GAREM1: variants seen among roughly 807,000 people sequenced by gnomAD.
The protein encoded by GAREM1 is GRB2 associated regulator of MAPK1 subtype 1, also known as GRB2-associated and regulator of MAPK protein 1.
GAREM1 carries 26 observed loss-of-function variants against 71.3 expected under a neutral mutation model. The observed-to-expected ratio is 0.36, with a 90% CI of 0.27 to 0.51. GAREM1 has a LOEUF of 0.51. GAREM1 is among the 20% of genes least tolerant of loss of function. The pLI is 0.95. For missense variants in GAREM1, 1,026 were observed against 1,103.1 expected (o/e 0.93, Z 0.99); for synonymous variants, 440 against 433.2 (o/e 1.02, Z -0.20).
At chr18:32,402,994 T>G (rs541163599) in intron 1 of GAREM1, among the ~76,000 whole-genome samples, 8 of 152,270 alleles carry the variant, frequency 5.3e-5, no homozygotes, top group African/African-American at 1.9e-4. Flanking sequence ...CTCAGCTCAC[T>G]GCAACCTCTG....
chr18:32,393,141 C>A, intron 1 of GAREM1, 106 bp from the exon 2 acceptor site: 2 of 1,025,118 alleles, frequency 2.0e-6, no homozygotes, highest in Non-Finnish European at 2.8e-6. Flanking sequence ...CAGAAGTTGA[C>A]AGTTCATCCC....
chr18:32,326,661 C>A (rs1408225579), intron 2 of GAREM1, among the ~76,000 whole-genome samples: 6 of 152,186 alleles, frequency 3.9e-5, no homozygotes, highest in African/African-American at 1.4e-4. Context: ...CACCCCCTCA[C>A]AAGAGACCGA....
At chr18:32,388,119 C>T (rs1348942690) in intron 2 of GAREM1, among the ~76,000 whole-genome samples, 1 of 152,138 alleles carries the variant, frequency 6.6e-6, no homozygotes, top group East Asian at 1.9e-4. Flanking sequence ...GTCACAGAGA[C>T]ACAGGTGCCA....
intron 2 of GAREM1, among the ~76,000 whole-genome samples, chr18:32,315,441 AAT>A (rs1299573526): frequency 7.0e-6 from 1 of 143,358 alleles, no homozygotes; most frequent in African/African-American, 2.6e-5. Context: ...TATATAAAAA[AAT>A]ATATATAAAA....
intron 2 of GAREM1, among the ~76,000 whole-genome samples, chr18:32,361,028 A>G (rs189719231): frequency 1.3e-3 from 199 of 152,360 alleles, no homozygotes; most frequent in Middle Eastern, 3.4e-3. Context: ...ATTCTCAAAA[A>G]TGATAGACTT....
At chr18:32,407,123 C>A (rs1420462225) in intron 1 of GAREM1, among the ~76,000 whole-genome samples, 3 of 152,224 alleles carry the variant, frequency 2.0e-5, no homozygotes, top group Non-Finnish European at 4.4e-5. Context: ...TCATTCACTT[C>A]AACAATCCGC....
intron 3 of GAREM1, among the ~76,000 whole-genome samples, chr18:32,294,068 G>A (rs1302835237): frequency 6.6e-6 from 1 of 152,166 alleles, no homozygotes; most frequent in East Asian, 1.9e-4. Context: ...GAAGTGAAAA[G>A]TAAATGCAAT....
chr18:32,451,801 C>A lies in GAREM1; in HGVS notation c.121+18507G>T, dbSNP rs536929361. ...TCAGCACTTCCCACTGTTTGTATAA[C>A]AAACATTGGAGGAGCATGTTTGCAA... On this transcript the variant is annotated intron_variant, in intron 1 of 5. Coordinates refer to ENST00000269209, the MANE Select transcript of GAREM1 (RefSeq NM_001242409.2). Among the ~76,000 whole-genome samples the A allele has an allele frequency of 2.0e-5, 3 of 152,162 alleles. No homozygotes were observed. In the South Asian group the frequency reaches 6.2e-4, roughly 32 times the overall value.
intron 2 of GAREM1, among the ~76,000 whole-genome samples, chr18:32,311,053 G>A (rs754379247): frequency 1.1e-4 from 16 of 152,128 alleles, no homozygotes; most frequent in Non-Finnish European, 2.1e-4. Context: ...CCATATCATG[G>A]TCTCCACAAT....
chr18:32,366,347 T>C (rs1481624550), intron 2 of GAREM1, among the ~76,000 whole-genome samples: 1 of 152,132 alleles, frequency 6.6e-6, no homozygotes, highest in Non-Finnish European at 1.5e-5. Context: ...AGGCTTATGA[T>C]TTCCTTGTGA....
intron 1 of GAREM1, among the ~76,000 whole-genome samples, chr18:32,446,089 G>A (rs894365226): frequency 1.3e-5 from 2 of 152,164 alleles, no homozygotes; most frequent in Non-Finnish European, 2.9e-5. Context: ...ACACAGAGCT[G>A]TGCAGCAGAA....
intron 3 of GAREM1, among the ~76,000 whole-genome samples, chr18:32,301,552 A>C (rs1211824925): frequency 6.6e-6 from 1 of 152,196 alleles, no homozygotes; most frequent in Non-Finnish European, 1.5e-5. Flanking sequence ...CAACTTTTGG[A>C]CTTTCAGAGC....
intron 2 of GAREM1, among the ~76,000 whole-genome samples, chr18:32,335,358 C>T (rs2047579826): frequency 6.6e-6 from 1 of 152,198 alleles, no homozygotes; most frequent in East Asian, 1.9e-4. Context: ...TCACACGGTT[C>T]TGTGTGCACA....
At chr18:32,416,513 A>G (rs117286048) in intron 1 of GAREM1, among the ~76,000 whole-genome samples, 4,448 of 152,304 alleles carry the variant, frequency 0.029, 117 homozygotes, top group Non-Finnish European at 0.047. Context: ...TGGTACTGGC[A>G]TAACAACAGA....
rs146427457 is a variant in GAREM1, at chr18:32,441,745, C to T, written c.121+28563G>A. Among the ~76,000 whole-genome samples, 925 of 152,282 alleles carry T rather than the reference C, an allele frequency of 6.1e-3. 11 individuals are homozygous for T. Among genetic ancestry groups the T allele is most frequent in the African/African-American group, 0.021 (884 of 41,572 alleles). ...AGCCAACCCACACAGCAAATCTCTC[C>T]ACATAGAGGCTAACCTCCCAACCCC... is the stretch of plus-strand genomic sequence containing the variant. On this transcript the variant is annotated intron_variant, in intron 1 of 5. Coordinates refer to ENST00000269209, the MANE Select transcript of GAREM1 (RefSeq NM_001242409.2).
At chr18:32,356,040 T>C (rs2047801601) in intron 2 of GAREM1, among the ~76,000 whole-genome samples, 3 of 152,206 alleles carry the variant, frequency 2.0e-5, no homozygotes, top group African/African-American at 7.2e-5. Context: ...TTTTCTTTCA[T>C]TCAGGATTTC....
chr18:32,348,225 G>A (rs73956898), intron 2 of GAREM1, among the ~76,000 whole-genome samples: 8,056 of 152,280 alleles, frequency 0.053, 227 homozygotes, highest in South Asian at 0.072. Context: ...GCCACTCAAT[G>A]AGAACAAAGG....
chr18:32,397,631 A>G (rs2048270681), intron 1 of GAREM1, among the ~76,000 whole-genome samples: 1 of 152,236 alleles, frequency 6.6e-6, no homozygotes, highest in Admixed American at 6.5e-5. Context: ...CACCCAATAC[A>G]GGAGCACTCA....
At chr18:32,339,778 T>G (rs2047631615) in intron 2 of GAREM1, among the ~76,000 whole-genome samples, 1 of 152,244 alleles carries the variant, frequency 6.6e-6, no homozygotes, top group Non-Finnish European at 1.5e-5. Flanking sequence ...GAAAGTAATA[T>G]AAACCGGGAA....
Sources: allele counts gnomAD v4.1 joint callset (sites outside exome capture counted in the v4.1 genomes callset), GRCh38; gene constraint gnomAD v4.1.1; transcripts MANE v1.5; gene names NCBI Gene and HGNC (gene_info 2026-07-23, HGNC 2026-07-21).